The following TRAPPC9 variants were observed in gnomAD, a reference collection of about 807,000 sequenced individuals.
TRAPPC9 encodes the protein trafficking protein particle complex subunit 9.
TRAPPC9 carries 83 observed loss-of-function variants against 124.0 expected under a neutral mutation model. The ratio of observed to expected loss-of-function variants is 0.67; its 90% CI spans 0.56 to 0.80. The LOEUF (loss-of-function observed/expected upper bound fraction) is 0.80. TRAPPC9 is among the 30% of genes least tolerant of loss of function. The probability of loss-of-function intolerance (pLI) is 0.00; values close to 1 mark genes in which losing one functional copy is unlikely to be tolerated. For missense variants in TRAPPC9, 1,302 were observed against 1,508.3 expected (o/e 0.86, Z 2.27); for synonymous variants, 638 against 617.5 (o/e 1.03, Z -0.49).
At chr8:140,210,935 G>A (rs1324388614) in intron 17 of TRAPPC9, among the ~76,000 whole-genome samples, 1 of 152,134 alleles carries the variant, frequency 6.6e-6, no homozygotes, top group Non-Finnish European at 1.5e-5. Flanking sequence ...CCCAGGCCCC[G>A]AAGGGCTCGT....
intron 17 of TRAPPC9, among the ~76,000 whole-genome samples, chr8:140,142,131 A>T (rs2061391352): frequency 6.6e-6 from 1 of 152,220 alleles, no homozygotes; most frequent in Non-Finnish European, 1.5e-5. Context: ...GCCTGAGCTG[A>T]ATCTTTAAAC....
intron 21 of TRAPPC9, among the ~76,000 whole-genome samples, chr8:139,858,358 C>T (rs1200119219): frequency 1.3e-5 from 2 of 152,192 alleles, no homozygotes; most frequent in African/African-American, 2.4e-5. Flanking sequence ...TGATGCTTGC[C>T]GTGCCTCCCC....
chr8:140,402,239 A>G (rs1359107881), intron 6 of TRAPPC9, among the ~76,000 whole-genome samples: 3 of 151,254 alleles, frequency 2.0e-5, no homozygotes, highest in Non-Finnish European at 4.4e-5. Flanking sequence ...GTGCGGTGGG[A>G]TGCACCTGTA....
intron 21 of TRAPPC9, among the ~76,000 whole-genome samples, chr8:139,745,932 A>G (rs764765788): frequency 6.6e-6 from 1 of 152,260 alleles, no homozygotes; most frequent in African/African-American, 2.4e-5. Flanking sequence ...GAACATTCTC[A>G]GTGACATTCC....
intron 17 of TRAPPC9, among the ~76,000 whole-genome samples, chr8:140,086,878 G>C (rs1367422786): frequency 2.0e-5 from 3 of 151,980 alleles, no homozygotes; most frequent in Non-Finnish European, 4.4e-5. Context: ...GTTGCAGTGA[G>C]CCAAGATCAC....
rs1405710383 is a variant in TRAPPC9, at chr8:140,182,811, C to G, written c.2556+38648G>C. 2.0e-5 allele frequency among the ~76,000 whole-genome samples: 3 copies of G among 152,082 alleles called. No homozygotes were observed. Among genetic ancestry groups the G allele is most frequent in the African/African-American group, 7.2e-5 (3 of 41,408 alleles). The stretch of plus-strand genomic sequence containing the variant: ...ACACCACAACTTGCATCATGCCATT[C>G]CCCCTTCTCTGCCCGTCTATGCGTC... On this transcript the variant is annotated intron_variant, in intron 17 of 22. Transcript: ENST00000438773. The surrounding 1 kb of genome is among the most constrained non-coding windows in gnomAD (Gnocchi z 4.0).
chr8:140,458,010 G>A (rs1181518617), upstream of TRAPPC9, among the ~76,000 whole-genome samples: 2 of 136,552 alleles, frequency 1.5e-5, no homozygotes, highest in Non-Finnish European at 3.2e-5. Context: ...GGAGGGAGGA[G>A]GAGGAGAGTA....
chr8:140,406,994 G>A (rs370586507), intron 5 of TRAPPC9, among the ~76,000 whole-genome samples: 1 of 152,170 alleles, frequency 6.6e-6, no homozygotes, highest in Non-Finnish European at 1.5e-5. Context: ...GCACCCCTTC[G>A]AGCAGTGAGC....
chr8:140,304,844 G>A (rs988157182), intron 10 of TRAPPC9, among the ~76,000 whole-genome samples: 3 of 152,170 alleles, frequency 2.0e-5, no homozygotes, highest in African/African-American at 7.2e-5. Flanking sequence ...GCAGCAGGGG[G>A]GCTAACGCAA....
intron 17 of TRAPPC9, among the ~76,000 whole-genome samples, chr8:140,035,680 C>T (rs1319611410): frequency 1.3e-5 from 2 of 152,202 alleles, no homozygotes; most frequent in African/African-American, 4.8e-5. Context: ...AACCACAGAG[C>T]TCAGGTGCAT....
chr8:140,360,655 A>G (rs1160125830), intron 8 of TRAPPC9, among the ~76,000 whole-genome samples: 1 of 152,200 alleles, frequency 6.6e-6, no homozygotes, highest in African/African-American at 2.4e-5. Flanking sequence ...AAAAAGTTAA[A>G]TTCTACAGCT....
intron 5 of TRAPPC9, among the ~76,000 whole-genome samples, chr8:140,420,010 A>C (rs1418449444): frequency 6.6e-6 from 1 of 152,148 alleles, no homozygotes; most frequent in Non-Finnish European, 1.5e-5. Flanking sequence ...ACAAATTTGA[A>C]GGATATAAAA....
At chr8:139,801,699 G>A (rs970635053) in intron 21 of TRAPPC9, among the ~76,000 whole-genome samples, 5 of 152,204 alleles carry the variant, frequency 3.3e-5, no homozygotes, top group African/African-American at 1.2e-4. Flanking sequence ...CTGCACAGTC[G>A]CAGACGGGAC....
intron 21 of TRAPPC9, among the ~76,000 whole-genome samples, chr8:139,882,444 A>T (rs1829729686): frequency 2.0e-5 from 3 of 152,172 alleles, no homozygotes; most frequent in South Asian, 2.1e-4. Flanking sequence ...TTGCGTTCAG[A>T]CAAGAGTGCA....
chr8:140,002,498 G>C (rs1838468735), intron 18 of TRAPPC9, among the ~76,000 whole-genome samples: 1 of 151,906 alleles, frequency 6.6e-6, no homozygotes, highest in African/African-American at 2.4e-5. Flanking sequence ...AGAAACAATA[G>C]ACAGAACAAT....
intron 7 of TRAPPC9, among the ~76,000 whole-genome samples, chr8:140,379,999 C>T (rs2068555956): frequency 6.6e-6 from 1 of 152,074 alleles, no homozygotes; most frequent in African/African-American, 2.4e-5. Flanking sequence ...GACAATATTG[C>T]TAAGATGGTA....
rs1238058518 is a variant in TRAPPC9 at position 139,731,201 on chromosome 8, G to A, written c.3307C>T (p.Leu1103Phe). ...GTGTAGAGGAAGAGGAGGGCCCCGA[G>A]GCAGGCCGACTGGCCGGACGGCTGC... ...AVQPSGQSAC[L>F]GALLFLYTGD... The change falls in exon 23 of 23, where the codon CTC (leucine) becomes TTC (phenylalanine). Residue 1103 changes from leucine (L) to phenylalanine (F), a missense_variant. Physicochemically the swap from Leu to Phe is conservative, Grantham distance 22. Coordinates refer to ENST00000438773, the MANE Select transcript of TRAPPC9 (RefSeq NM_001160372.4). The A allele has an allele frequency of 1.9e-6, 3 of 1,613,508 alleles. No homozygotes were observed. Among genetic ancestry groups the A allele is most frequent in the Non-Finnish European group, 2.5e-6 (3 of 1,179,922 alleles).
chr8:140,119,226 G>A (rs1206489239), intron 17 of TRAPPC9, among the ~76,000 whole-genome samples: 2 of 152,266 alleles, frequency 1.3e-5, no homozygotes, highest in African/African-American at 4.8e-5. Flanking sequence ...AGCACACGGG[G>A]CTGTCATCTG....
intron 15 of TRAPPC9, among the ~76,000 whole-genome samples, chr8:140,261,116 T>C (rs2064396804): frequency 6.6e-6 from 1 of 152,202 alleles, no homozygotes; most frequent in African/African-American, 2.4e-5. Flanking sequence ...GGAGACAGAA[T>C]GAGACAGCAT....
Sources: gnomAD v4.1 joint callset for allele counts (sites outside exome capture counted in the v4.1 genomes callset) on GRCh38, gnomAD v4.1.1 for gene constraint, Gnocchi (gnomAD v3.1) non-coding constraint, MANE v1.5 for transcripts, NCBI Gene and HGNC (gene_info 2026-07-23, HGNC 2026-07-21) for gene names.